The following TMC2 variants were observed in gnomAD, a reference collection of about 807,000 sequenced individuals.
TMC2 encodes transmembrane channel like 2.
TMC2 carries 102 observed loss-of-function variants against 105.9 expected under a neutral mutation model. The ratio of observed to expected loss-of-function variants is 0.96; its 90% CI spans 0.82 to 1.14. TMC2 has a LOEUF of 1.14. Ranked by LOEUF, TMC2 falls within the 50% of genes most tolerant of loss-of-function variation. The pLI, the probability that TMC2 is intolerant of heterozygous loss-of-function variation, is 0.00. For missense variants in TMC2, 1,093 were observed against 1,134.3 expected, an observed-to-expected ratio of 0.96 and a Z score of 0.52; for synonymous variants, 402 against 422.8, an observed-to-expected ratio of 0.95 and a Z score of 0.60.
At chr20:2,623,122 G>A (rs1189467351) in intron 16 of TMC2, among the ~76,000 whole-genome samples, 1 of 152,096 alleles carries the variant, frequency 6.6e-6, no homozygotes, top group African/African-American at 2.4e-5. Flanking sequence ...CACTTGAAAT[G>A]TGTAACTAAG....
chr20:2,558,517 C>A lies in TMC2; in HGVS notation c.144C>A (p.Gly48=). Residue 48 remains glycine (G), a synonymous_variant, in exon 3 of 20, where the codon GGC becomes GGA. Transcript: ENST00000358864. This position sits in a 1 kb window ranked among gnomAD's most constrained non-coding sequence, Gnocchi z 4.6. ...KRALKAEGTP[G]RRGAQRSQKE... is the part of the protein sequence containing the mutation. ...CTCTCAAAGCCGAGGGGACCCCAGG[C>A]AGGCGCGGAGCTCAGCGAAGCCAGA... 6.4e-7 allele frequency: 1 copy of A among 1,556,762 alleles called. No individual in the cohort carries two copies.
At position 2,616,529 on chromosome 20, in the gene TMC2, G is replaced by C. The variant is rs902446730; in HGVS notation, c.1940+325G>C. Among the ~76,000 whole-genome samples, 2 of 138,398 alleles carry C rather than the reference G, an allele frequency of 1.4e-5. No homozygotes were observed. The highest frequency in any genetic ancestry group is 6.2e-5 in the African/African-American group (2 of 32,154). 90.8% of individuals were successfully genotyped at this position (138,398 alleles called of 152,430 possible). On this transcript the variant is annotated intron_variant, in intron 15 of 19. Coordinates refer to ENST00000358864, the MANE Select transcript of TMC2 (RefSeq NM_080751.3). The surrounding 1 kb of genome is among the most constrained non-coding windows in gnomAD (Gnocchi z 4.8). The stretch of plus-strand genomic sequence containing the variant: ...GACAAAGGAAAGGGAAAAGGAAGGA[G>C]TAAAGAAGAGGAGGAAAAGAGGAGG...
intron 11 of TMC2, among the ~76,000 whole-genome samples, chr20:2,605,780 A>C (rs2086386778): frequency 6.6e-6 from 1 of 152,320 alleles, no homozygotes; most frequent in East Asian, 1.9e-4. Flanking sequence ...TAAGGCATTC[A>C]AGGTATGGGT....
In TMC2 at chr20:2,635,908, C is replaced by G. The variant is rs780430569; in HGVS notation, c.2307-18C>G. On this transcript the variant is annotated intron_variant, in intron 17 of 19. Transcript: ENST00000358864. ...GCCAAGATCACGGGACCATAGGAGGCATGCTTTTCTCTTGCAGCTTGGCCA... is the reference window on the plus strand; with the variant it reads ...GCCAAGATCACGGGACCATAGGAGGGATGCTTTTCTCTTGCAGCTTGGCCA... The G allele has an allele frequency of 5.6e-6, 9 of 1,607,752 alleles. No homozygotes were observed. In the South Asian group the frequency reaches 9.9e-5, roughly 18 times the overall value.
intron 5 of TMC2, among the ~76,000 whole-genome samples, chr20:2,575,460 G>A (rs1176748081): frequency 6.6e-6 from 1 of 152,128 alleles, no homozygotes; most frequent in Non-Finnish European, 1.5e-5. Flanking sequence ...TTAACTTTGT[G>A]CTAATCTATT....
chr20:2,566,435 A>T (rs1375665819), intron 4 of TMC2, among the ~76,000 whole-genome samples: 1 of 152,242 alleles, frequency 6.6e-6, no homozygotes, highest in Non-Finnish European at 1.5e-5. Context: ...GATACACAGT[A>T]GGATGTGAAG....
intron 14 of TMC2, 98 bp downstream of exon 14, chr20:2,613,420 G>A (rs748466198): frequency 3.2e-6 from 5 of 1,539,878 alleles, no homozygotes; most frequent in Middle Eastern, 1.7e-4. Flanking sequence ...CATTTCTTTG[G>A]AAGCTTAATG....
chr20:2,630,715 G>C (rs1236976585), intron 17 of TMC2, among the ~76,000 whole-genome samples: 1 of 152,162 alleles, frequency 6.6e-6, no homozygotes, highest in Non-Finnish European at 1.5e-5. Context: ...CAGCTACTTG[G>C]GAGGCGACAA....
chr20:2,572,340 G>C, intron 5 of TMC2, 71 bp downstream of exon 5: 1 of 1,220,736 alleles, frequency 8.2e-7, no homozygotes, highest in Middle Eastern at 2.3e-4. Flanking sequence ...ACCAACTTCG[G>C]CAACTGCCCA....
chr20:2,536,655 G>A lies in TMC2; in HGVS notation c.34G>A (p.Ala12Thr), dbSNP rs1164050817. The A allele has an allele frequency of 5.7e-6, 9 of 1,574,260 alleles. No individual in the cohort carries two copies. Among genetic ancestry groups the A allele is most frequent in the Non-Finnish European group, 7.8e-6 (9 of 1,159,832 alleles). The change falls in exon 1 of 20, where the codon GCA becomes ACA. Residue 12 changes from alanine (A) to threonine (T), a missense_variant and splice_region_variant. Ala to Thr is a moderately conservative substitution (Grantham distance 58). Transcript: ENST00000358864. ...CCAGGTAAAGGGCCTGAAAGAGGAA[G>A]GTGAGTCCACGTCCTGATCCTGCGG... is the stretch of plus-strand genomic sequence containing the variant. ...SHQVKGLKEE[A>T]RGGVKGRVKS... is the part of the protein sequence containing the mutation.
chr20:2,591,773 AAAG>A (rs1346801481), intron 7 of TMC2, among the ~76,000 whole-genome samples: 1 of 152,122 alleles, frequency 6.6e-6, no homozygotes, highest in Non-Finnish European at 1.5e-5. Flanking sequence ...AAGGAAAAGA[AAAG>A]AAACGCTCTT....
chr20:2,545,853 GAGAA>G (rs1337981989), intron 2 of TMC2, among the ~76,000 whole-genome samples: 4 of 60,516 alleles, frequency 6.6e-5, no homozygotes, highest in South Asian at 9.2e-4. Context: ...AAGAAAGAAA[GAGAA>G]AGAAAGAAAA....
Position 2,571,848 on chromosome 20 carries a change from TAAATA to T in TMC2, c.555-321_555-317del, listed in dbSNP as rs869124319. Among the ~76,000 whole-genome samples the T allele has an allele frequency of 2.7e-3, 408 of 152,216 alleles. 3 individuals carry two copies. Among genetic ancestry groups the T allele is most frequent in the African/African-American group, 8.0e-3 (331 of 41,534 alleles). On this transcript the variant is annotated intron_variant, in intron 4 of 19. Transcript: ENST00000358864. ...GACCCTATCTCTAAAAATAAATAAA[TAAATA>T]AAATAAAATCAGTAATCTTAACTAC...
chr20:2,578,725 G>C (rs1158499417), intron 5 of TMC2, among the ~76,000 whole-genome samples: 1 of 150,988 alleles, frequency 6.6e-6, no homozygotes, highest in Non-Finnish European at 1.5e-5. Context: ...AGAGGCACTT[G>C]GCTGTCTGCC....
At chr20:2,641,113 T>C in intron 19 of TMC2, 21 bp from the exon 20 acceptor site, 1 of 1,609,980 alleles carries the variant, frequency 6.2e-7, no homozygotes, top group East Asian at 2.2e-5. Context: ...TTCCTCTTTC[T>C]TGTCTTGGTT....
intron 2 of TMC2, among the ~76,000 whole-genome samples, chr20:2,550,613 T>C (rs2085951085): frequency 6.6e-6 from 1 of 152,154 alleles, no homozygotes; most frequent in South Asian, 2.1e-4. Context: ...TGCCCCCAAA[T>C]GTCCTGTGGC....
intron 17 of TMC2, among the ~76,000 whole-genome samples, chr20:2,624,725 G>A (rs2086552223): frequency 6.6e-6 from 1 of 152,152 alleles, no homozygotes; most frequent in Admixed American, 6.5e-5. Context: ...GGGTGTGAGT[G>A]AGGGGTCCAA....
At chr20:2,543,115 T>A (rs1348857290) in intron 2 of TMC2, among the ~76,000 whole-genome samples, 2 of 151,914 alleles carry the variant, frequency 1.3e-5, no homozygotes, top group Non-Finnish European at 2.9e-5. Context: ...CATACACCTG[T>A]AATCCCAGCT....
chr20:2,585,758 A>G (rs1043955014), intron 7 of TMC2, among the ~76,000 whole-genome samples: 34 of 152,188 alleles, frequency 2.2e-4, no homozygotes, highest in East Asian at 1.9e-4. Context: ...TTCTTACTAC[A>G]TGAGTTTTTC....
Sources: gnomAD v4.1 joint callset for allele counts (sites outside exome capture counted in the v4.1 genomes callset) on GRCh38, gnomAD v4.1.1 for gene constraint, Gnocchi (gnomAD v3.1) non-coding constraint, MANE v1.5 for transcripts, NCBI Gene and HGNC (gene_info 2026-07-23, HGNC 2026-07-21) for gene names.